Variants in ESR1 observed in about 807,000 individuals in gnomAD.
The protein encoded by ESR1 is estrogen receptor 1, also known as estrogen receptor.
Under a neutral mutation model 52.7 loss-of-function variants are expected in ESR1, and 12 were observed. The observed-to-expected ratio is 0.23, with a 90% CI of 0.15 to 0.37. The LOEUF (loss-of-function observed/expected upper bound fraction) is 0.37, where lower values mean the gene tolerates loss of function less well. Among genes scored for constraint, ESR1 ranks in the 10% least tolerant of loss-of-function variants. ESR1 has a pLI of 1.00. For missense variants in ESR1, 584 were observed against 779.7 expected (o/e 0.75, Z 2.99); for synonymous variants, 305 against 316.8 (o/e 0.96, Z 0.39).
chr6:152,000,088 A>AC, intron 4 of ESR1, among the ~76,000 whole-genome samples: 1 of 152,112 alleles, frequency 6.6e-6, no homozygotes, highest in East Asian at 1.9e-4. Flanking sequence ...TTATTTGTTG[A>AC]CCACCCATAT....
upstream of ESR1, chr6:151,690,468 T>C (rs1303146598): frequency 6.6e-6 from 1 of 152,188 alleles, no homozygotes; most frequent in East Asian, 1.9e-4. Flanking sequence ...TAGTTCTTTA[T>C]TTTTGAGTTA....
At chr6:151,876,866 A>G (rs769647559) in intron 2 of ESR1, among the ~76,000 whole-genome samples, 1 of 152,068 alleles carries the variant, frequency 6.6e-6, no homozygotes, top group Admixed American at 6.5e-5. Context: ...CCTGAACATC[A>G]CATCGTGGCT....
chr6:152,094,559 G>A lies in ESR1; in HGVS notation c.1544G>A (p.Arg515Lys), dbSNP rs2050460855. ...CTCCTCCTCATCCTCTCCCACATCA[G>A]GCACATGAGGTGAGGCATCTGTGGG... ...AQLLLILSHI[R>K]HMSNKGMEHL... The change falls in exon 7 of 8, where the codon AGG (arginine) becomes AAG (lysine). Residue 515 changes from arginine to lysine, a missense_variant. By Grantham distance (26) the Arg-to-Lys change is conservative. This residue lies in a region of ESR1 where 141 missense variants were observed against 289.3 expected (regional missense o/e 0.49). Coordinates refer to ENST00000206249, the MANE Select transcript of ESR1 (RefSeq NM_000125.4). The surrounding 1 kb of genome is among the most constrained non-coding windows in gnomAD (Gnocchi z 4.6). 1 of 1,613,946 alleles carries A rather than the reference G, an allele frequency of 6.2e-7. No individual in the cohort carries two copies.
At chr6:151,930,261 A>G (rs567434258) in intron 3 of ESR1, among the ~76,000 whole-genome samples, 88 of 152,296 alleles carry the variant, frequency 5.8e-4, no homozygotes, top group Middle Eastern at 3.4e-3. Flanking sequence ...CTGGGTTTAC[A>G]GGAGTGAGCC....
In ESR1 at chr6:151,712,654, A is replaced by G. The variant is rs543175752; in HGVS notation, c.-71+10649A>G. On this transcript the variant is annotated intron_variant, in intron 2 of 2. Coordinates refer to the ESR1 transcript ENST00000404742. ...TTGGCTCTCTGTTTGTTATTACTGT[A>G]TAGGAATTCTTGTGATTTTTGCACA... 4.6e-5 allele frequency among the ~76,000 whole-genome samples: 7 copies of G among 152,072 alleles called. No homozygotes were observed. The East Asian group carries it at 7.7e-4, about 17-fold the overall frequency.
chr6:152,104,096 A>C (rs2051032735), downstream of ESR1, among the ~76,000 whole-genome samples: 6 of 146,888 alleles, frequency 4.1e-5, no homozygotes, highest in African/African-American at 1.6e-4. Context: ...TCTTTTATGA[A>C]GACCACATGG....
intron 4 of ESR1, among the ~76,000 whole-genome samples, chr6:151,995,796 C>T (rs1188096869): frequency 6.6e-6 from 1 of 152,210 alleles, no homozygotes; most frequent in Non-Finnish European, 1.5e-5. Flanking sequence ...TGAGCTAACA[C>T]TTAATGAGTA....
At chr6:151,824,655 A>G (rs978878896) in intron 1 of ESR1, among the ~76,000 whole-genome samples, 4 of 152,210 alleles carry the variant, frequency 2.6e-5, no homozygotes, top group Admixed American at 2.6e-4. Context: ...AAAATGTTAC[A>G]ATGTATGAAG....
upstream of ESR1, among the ~76,000 whole-genome samples, chr6:151,686,064 ATTTTTTTT>A (rs557270210): frequency 4.4e-5 from 5 of 114,368 alleles, no homozygotes; most frequent in African/African-American, 8.4e-5. Flanking sequence ...AATTAAAACA[ATTTTTTTT>A]TTTTTTTTTT....
intron 3 of ESR1, among the ~76,000 whole-genome samples, chr6:151,902,420 G>A (rs1327145715): frequency 2.0e-5 from 3 of 152,078 alleles, no homozygotes; most frequent in Non-Finnish European, 4.4e-5. Context: ...TGTGGTTCCA[G>A]TCTCATAGAA....
intron 1 of ESR1, among the ~76,000 whole-genome samples, chr6:151,691,258 T>C (rs1203919568): frequency 1.3e-5 from 2 of 152,250 alleles, no homozygotes; most frequent in Non-Finnish European, 2.9e-5. Flanking sequence ...TTTTGAGTCC[T>C]GGTGTCCCAT....
At chr6:151,797,299 G>A (rs1776802932) in intron 2 of ESR1, among the ~76,000 whole-genome samples, 1 of 152,196 alleles carries the variant, frequency 6.6e-6, no homozygotes, top group Non-Finnish European at 1.5e-5. Context: ...TTGAGCAAGA[G>A]TTATATTTAG....
At chr6:152,078,840 G>A (rs943170164) in intron 6 of ESR1, among the ~76,000 whole-genome samples, 28 of 152,244 alleles carry the variant, frequency 1.8e-4, no homozygotes, top group African/African-American at 6.5e-4. Flanking sequence ...CTGGCTCAGT[G>A]GGTCACACGC....
intron 2 of ESR1, among the ~76,000 whole-genome samples, chr6:151,864,852 A>C (rs1013896797): frequency 6.7e-6 from 1 of 149,070 alleles, no homozygotes; most frequent in Non-Finnish European, 1.5e-5. Flanking sequence ...AAAACCAAAC[A>C]CTGCATGTTC....
chr6:151,901,643 C>G (rs1251740631), intron 3 of ESR1, among the ~76,000 whole-genome samples: 1 of 152,204 alleles, frequency 6.6e-6, no homozygotes, highest in Admixed American at 6.5e-5. Flanking sequence ...TTATTTCACT[C>G]AGCTGTCTAA....
chr6:151,929,431 A>G (rs549147377), intron 3 of ESR1, among the ~76,000 whole-genome samples: 1 of 152,186 alleles, frequency 6.6e-6, no homozygotes, highest in African/African-American at 2.4e-5. Context: ...CCATTCCTTT[A>G]CTTTTAACAT....
intron 4 of ESR1, among the ~76,000 whole-genome samples, chr6:151,998,049 A>T (rs2041645591): frequency 1.3e-5 from 2 of 152,118 alleles, no homozygotes; most frequent in African/African-American, 4.8e-5. Context: ...CTCTGTTTTA[A>T]AATTTCACAT....
chr6:151,681,479 C>T (rs1778458791), intron 1 of ESR1, among the ~76,000 whole-genome samples: 1 of 151,716 alleles, frequency 6.6e-6, no homozygotes, highest in Non-Finnish European at 1.5e-5. Flanking sequence ...TCTAGCTTCT[C>T]AGGCGCCTTG....
intron 6 of ESR1, among the ~76,000 whole-genome samples, chr6:152,116,600 CT>C (rs914458702): frequency 1.4e-4 from 21 of 151,846 alleles, no homozygotes; most frequent in Non-Finnish European, 2.1e-4. Flanking sequence ...AAATAATTGA[CT>C]TTTTTTTAAC....
Sources: gnomAD v4.1 joint callset for allele counts (sites outside exome capture counted in the v4.1 genomes callset) on GRCh38, gnomAD v4.1.1 for gene constraint, gnomAD v4.1.1 regional missense constraint, Gnocchi (gnomAD v3.1) non-coding constraint, MANE v1.5 for transcripts, NCBI Gene and HGNC (gene_info 2026-07-23, HGNC 2026-07-21) for gene names.